Variants in VPS35L observed in about 807,000 individuals in gnomAD.
VPS35L encodes VPS35 endosomal protein-sorting factor-like.
In VPS35L, 83 loss-of-function variants were observed where a neutral mutation model predicts 133.0. The ratio of observed to expected loss-of-function variants is 0.62; its 90% CI spans 0.52 to 0.75. The LOEUF (loss-of-function observed/expected upper bound fraction) is 0.75. Ranked by LOEUF, VPS35L falls within the 30% of genes least tolerant of loss-of-function variation. The pLI is 0.00. For missense variants in VPS35L, 1,083 were observed against 1,206.8 expected, an observed-to-expected ratio of 0.90 and a Z score of 1.52; for synonymous variants, 423 against 449.9, an observed-to-expected ratio of 0.94 and a Z score of 0.76.
rs542845728 is a variant in VPS35L at position 19,643,755 on chromosome 16, G to A, written c.1866-1131G>A. Among the ~76,000 whole-genome samples the A allele has an allele frequency of 2.4e-3, 363 of 151,718 alleles. No homozygotes were observed. The Middle Eastern group carries it at 0.024, about 10-fold the overall frequency. On this transcript the variant is annotated intron_variant, in intron 22 of 30. Transcript: ENST00000417362. ...GAGGTCAGGAGTTTGAGATCAGCCT[G>A]GCCAACATGGTGAAACCCCGTCTCT...
chr16:19,565,480 G>A (rs951292206), intron 2 of VPS35L, among the ~76,000 whole-genome samples: 1 of 152,134 alleles, frequency 6.6e-6, no homozygotes, highest in Non-Finnish European at 1.5e-5. Context: ...GTAGCTGGGA[G>A]TACAGGCATG....
At chr16:19,655,552 G>T (rs184059219) in intron 26 of VPS35L, among the ~76,000 whole-genome samples, 5 of 152,250 alleles carry the variant, frequency 3.3e-5, no homozygotes, top group Admixed American at 3.3e-4. Context: ...CTTTCCCAAG[G>T]CTGGGTCCAT....
intron 27 of VPS35L, among the ~76,000 whole-genome samples, chr16:19,680,836 A>T (rs939119454): frequency 1.3e-5 from 2 of 151,860 alleles, no homozygotes; most frequent in Non-Finnish European, 2.9e-5. Context: ...TTGAGCTCAG[A>T]GTCAAGGCTC....
intron 11 of VPS35L, among the ~76,000 whole-genome samples, chr16:19,609,715 G>T (rs1283706300): frequency 6.6e-6 from 1 of 152,180 alleles, no homozygotes; most frequent in Non-Finnish European, 1.5e-5. Context: ...ATTGGATTTA[G>T]AATTTATCTC....
At chr16:19,631,855 C>T (rs1188276850) in intron 18 of VPS35L, among the ~76,000 whole-genome samples, 2 of 151,048 alleles carry the variant, frequency 1.3e-5, no homozygotes, top group Non-Finnish European at 3.0e-5. Context: ...ACCACAGGCA[C>T]ATGTGGAGAT....
At chr16:19,605,419 C>T (rs9933739) in intron 9 of VPS35L, among the ~76,000 whole-genome samples, 7,690 of 152,212 alleles carry the variant, frequency 0.051, 654 homozygotes, top group African/African-American at 0.18. Flanking sequence ...ATTCCTGTGC[C>T]CAGAACCCTT....
chr16:19,684,031 GTTCC>G (rs1217953161), intron 28 of VPS35L, among the ~76,000 whole-genome samples: 1 of 152,186 alleles, frequency 6.6e-6, no homozygotes, highest in Non-Finnish European at 1.5e-5. Flanking sequence ...TGCCAGGCCT[GTTCC>G]TTACCACAGT....
intron 27 of VPS35L, among the ~76,000 whole-genome samples, chr16:19,678,583 T>G (rs966904521): frequency 6.6e-6 from 1 of 151,718 alleles, no homozygotes; most frequent in South Asian, 2.1e-4. Flanking sequence ...GTTCAAGCAG[T>G]TCTCCTGCCT....
intron 25 of VPS35L, among the ~76,000 whole-genome samples, chr16:19,650,902 G>A (rs1974102876): frequency 6.6e-6 from 1 of 151,888 alleles, no homozygotes; most frequent in South Asian, 2.1e-4. Flanking sequence ...TTCTTGAGAC[G>A]GAGTCTTGCT....
chr16:19,591,642 T>C (rs1972045970), intron 7 of VPS35L, 148 bp from the exon 8 acceptor site: 2 of 571,088 alleles, frequency 3.5e-6, no homozygotes, highest in African/African-American at 1.9e-5. Flanking sequence ...GTTTAGCTTG[T>C]CATTGTATGC....
chr16:19,696,515 C>A (rs1448147009), intron 29 of VPS35L, among the ~76,000 whole-genome samples: 1 of 152,166 alleles, frequency 6.6e-6, no homozygotes, highest in Non-Finnish European at 1.5e-5. Flanking sequence ...AGCTGGGAAC[C>A]ATGCCAAACC....
intron 29 of VPS35L, chr16:19,693,965 A>G (rs1975807112): frequency 6.6e-6 from 1 of 151,864 alleles, no homozygotes; most frequent in Admixed American, 6.6e-5. Flanking sequence ...AAAAGAAAAA[A>G]AAAAAAAAAA....
chr16:19,579,077 A>T lies in VPS35L; in HGVS notation c.459A>T (p.Ala153=), dbSNP rs961288443. ...GCAAAGCTGGGACTGCCACATTGGC[A>T]ATGTCAGAGAAGGTGCGGACCCGGC... ...EKGKAGTATL[A]MSEKVRTRLE... Residue 153 remains alanine (A), a synonymous_variant, in exon 6 of 31, where the codon GCA becomes GCT. Transcript: ENST00000417362. The T allele has an allele frequency of 6.2e-7, 1 of 1,614,178 alleles. No individual in the cohort carries two copies. The highest frequency in any genetic ancestry group is 8.5e-7 in the Non-Finnish European group (1 of 1,180,038).
chr16:19,624,517 G>A lies in VPS35L; in HGVS notation c.1225-1660G>A, dbSNP rs147316813. On this transcript the variant is annotated intron_variant, in intron 14 of 30. Coordinates refer to ENST00000417362, the MANE Select transcript of VPS35L (RefSeq NM_020314.7). ...GGAGAATCTCTTGAACCCAAGAGGCGGAGGTTCTGGTGAGCCGAGATCGCG... is the reference window on the plus strand; with the variant it reads ...GGAGAATCTCTTGAACCCAAGAGGCAGAGGTTCTGGTGAGCCGAGATCGCG... Among the ~76,000 whole-genome samples the A allele has an allele frequency of 9.7e-3, 1,482 of 152,132 alleles. 36 individuals are homozygous for A. Among genetic ancestry groups the A allele is most frequent in the African/African-American group, 0.034 (1,401 of 41,522 alleles).
At chr16:19,556,054 G>A (rs1004707099) in intron 1 of VPS35L, among the ~76,000 whole-genome samples, 2 of 152,206 alleles carry the variant, frequency 1.3e-5, no homozygotes, top group South Asian at 2.1e-4. Context: ...AGTTGGCGCG[G>A]GTTCTGGGGT....
At position 19,608,280 on chromosome 16, in the gene VPS35L, C is replaced by CTTTTTTTT; in HGVS notation, c.881+13_881+20dup. ...AGGGAACTCATTCCAAGATTGTATC[C>CTTTTTTTT]TTTTTTTTTTTTTTGGTCTGATGAT... On this transcript the variant is annotated splice_region_variant and intron_variant, in intron 10 of 30. Coordinates refer to ENST00000417362, the MANE Select transcript of VPS35L (RefSeq NM_020314.7). The CTTTTTTTT allele has an allele frequency of 7.2e-7, 1 of 1,386,676 alleles. No individual in the cohort carries two copies. Among genetic ancestry groups the CTTTTTTTT allele is most frequent in the Non-Finnish European group, 1.0e-6 (1 of 999,346 alleles). The allele number at this position is 1,386,676 out of a possible 1,614,324, so 85.9% of individuals were successfully genotyped here.
intron 2 of VPS35L, chr16:19,569,142 A>T: frequency 1.7e-6 from 1 of 604,946 alleles, no homozygotes; most frequent in Non-Finnish European, 3.1e-6. Flanking sequence ...GGTTTGCTAC[A>T]TAGGGAACCC....
intron 28 of VPS35L, among the ~76,000 whole-genome samples, chr16:19,684,490 AGGGAGGCT>A (rs1344401544): frequency 2.0e-5 from 3 of 152,314 alleles, no homozygotes; most frequent in African/African-American, 7.2e-5. Context: ...GATGTAATGC[AGGGAGGCT>A]GGTTCATAGC....
At chr16:19,613,961 C>CAGATAT in intron 12 of VPS35L, among the ~76,000 whole-genome samples, 1 of 152,098 alleles carries the variant, frequency 6.6e-6, no homozygotes, top group East Asian at 1.9e-4. Context: ...TAGACCCAAG[C>CAGATAT]AGATATCCAA....
Sources: allele counts gnomAD v4.1 joint callset (sites outside exome capture counted in the v4.1 genomes callset), GRCh38; gene constraint gnomAD v4.1.1; transcripts MANE v1.5; gene names NCBI Gene and HGNC (gene_info 2026-07-23, HGNC 2026-07-21).